The following AGMO variants were observed in gnomAD, a reference collection of about 807,000 sequenced individuals.
The protein encoded by AGMO is alkylglycerol monooxygenase.
Under a neutral mutation model 60.2 loss-of-function variants are expected in AGMO, and 75 were observed. The ratio of observed to expected loss-of-function variants is 1.25; its 90% CI spans 1.03 to 1.51. The LOEUF (loss-of-function observed/expected upper bound fraction) is 1.51, where lower values mean the gene tolerates loss of function less well. Ranked by LOEUF, AGMO falls within the 40% of genes most tolerant of loss-of-function variation. The pLI is 0.00. For missense variants in AGMO, 763 were observed against 525.5 expected, an observed-to-expected ratio of 1.45 and a Z score of -4.42; for synonymous variants, 261 against 177.1, an observed-to-expected ratio of 1.47 and a Z score of -3.76.
chr7:15,424,256 A>G (rs1215823959), intron 4 of AGMO, among the ~76,000 whole-genome samples: 1 of 152,112 alleles, frequency 6.6e-6, no homozygotes, highest in Non-Finnish European at 1.5e-5. Flanking sequence ...ACACAAGCTC[A>G]CTTCTTACTT....
chr7:15,539,426 A>T (rs1358716183), intron 3 of AGMO, among the ~76,000 whole-genome samples: 11 of 152,118 alleles, frequency 7.2e-5, no homozygotes, highest in Middle Eastern at 3.2e-3. Flanking sequence ...TTTGTTTAGG[A>T]TAATGTCCTC....
chr7:15,401,485 T>G (rs975140908), intron 5 of AGMO, among the ~76,000 whole-genome samples: 19 of 152,146 alleles, frequency 1.2e-4, no homozygotes, highest in African/African-American at 4.6e-4. Flanking sequence ...GAAATTTGCC[T>G]CCTCTTACCT....
chr7:15,168,688 C>A, the AGMO span, among the ~76,000 whole-genome samples: 1 of 152,142 alleles, frequency 6.6e-6, no homozygotes, highest in Non-Finnish European at 1.5e-5. Context: ...AAAAATAGTT[C>A]CTTAGACTCA....
At chr7:15,283,979 T>A (rs1030326756) in intron 12 of AGMO, among the ~76,000 whole-genome samples, 1 of 151,992 alleles carries the variant, frequency 6.6e-6, no homozygotes, top group Non-Finnish European at 1.5e-5. Flanking sequence ...TCCTAAATTA[T>A]TTTTGGGTTA....
At position 15,453,451 on chromosome 7, in the gene AGMO, G is replaced by A. The variant is rs116990880; in HGVS notation, c.410-22343C>T. 7.1e-3 allele frequency among the ~76,000 whole-genome samples: 1,077 copies of A among 152,264 alleles called. 9 individuals carry two copies. The highest frequency in any genetic ancestry group is 0.012 in the Non-Finnish European group (816 of 68,020). On this transcript the variant is annotated intron_variant, in intron 3 of 12. Coordinates refer to ENST00000342526, the MANE Select transcript of AGMO (RefSeq NM_001004320.2). Reference sequence around the variant, plus strand: ...TGGAGAAAGCAGACACAGTGTAACAGAACACCGTACAAGTCAGGCTGCAAA... The same window carrying A: ...TGGAGAAAGCAGACACAGTGTAACAAAACACCGTACAAGTCAGGCTGCAAA...
chr7:15,353,427 T>C (rs1170386505), intron 12 of AGMO, among the ~76,000 whole-genome samples: 1 of 152,208 alleles, frequency 6.6e-6, no homozygotes, highest in African/African-American at 2.4e-5. Context: ...AGGCTTATGA[T>C]GTTAAACTAA....
At chr7:15,251,549 A>C (rs141240677) in intron 12 of AGMO, among the ~76,000 whole-genome samples, 1 of 152,324 alleles carries the variant, frequency 6.6e-6, no homozygotes, top group African/African-American at 2.4e-5. Context: ...TTGTGAAGTT[A>C]ATGTTCTAAG....
At chr7:15,264,748 T>C (rs1425603410) in intron 12 of AGMO, among the ~76,000 whole-genome samples, 1 of 152,088 alleles carries the variant, frequency 6.6e-6, no homozygotes, top group Non-Finnish European at 1.5e-5. Flanking sequence ...CTCATACCAT[T>C]CAGAATGGTG....
At chr7:15,167,595 T>G in the AGMO span, among the ~76,000 whole-genome samples, 1 of 152,202 alleles carries the variant, frequency 6.6e-6, no homozygotes, top group African/African-American at 2.4e-5. Flanking sequence ...ATTCACTAGG[T>G]TCTTATATCA....
chr7:15,445,418 A>G (rs1255375717), intron 3 of AGMO, among the ~76,000 whole-genome samples: 1 of 152,168 alleles, frequency 6.6e-6, no homozygotes, highest in African/African-American at 2.4e-5. Context: ...CACATGATAT[A>G]TTGCTGTTCC....
chr7:15,246,458 C>G (rs1299184337), intron 12 of AGMO, among the ~76,000 whole-genome samples: 2 of 152,146 alleles, frequency 1.3e-5, no homozygotes, highest in Non-Finnish European at 2.9e-5. Flanking sequence ...AGTTCATAGA[C>G]AATGACTTGA....
chr7:15,295,482 G>C (rs946606695), intron 12 of AGMO, among the ~76,000 whole-genome samples: 1 of 152,008 alleles, frequency 6.6e-6, no homozygotes, highest in Non-Finnish European at 1.5e-5. Context: ...AAAGAATGCA[G>C]AGAAAGAAGA....
the AGMO span, among the ~76,000 whole-genome samples, chr7:15,182,540 C>T: frequency 4.6e-5 from 7 of 152,208 alleles, no homozygotes; most frequent in Non-Finnish European, 7.4e-5. Context: ...CTCTGCCTCC[C>T]GAGTAGCCGG....
At chr7:15,202,841 C>T (rs1465090494) in intron 12 of AGMO, among the ~76,000 whole-genome samples, 2 of 152,026 alleles carry the variant, frequency 1.3e-5, no homozygotes, top group African/African-American at 4.8e-5. Flanking sequence ...TAATACTGCG[C>T]TGGGGGGAGT....
chr7:15,493,619 C>T (rs1783136881), intron 3 of AGMO, among the ~76,000 whole-genome samples: 1 of 151,948 alleles, frequency 6.6e-6, no homozygotes. Context: ...TCGTGATCCG[C>T]CCGCCTCGGC....
intron 3 of AGMO, among the ~76,000 whole-genome samples, chr7:15,441,347 T>A (rs1289029991): frequency 1.3e-5 from 2 of 152,224 alleles, no homozygotes; most frequent in Non-Finnish European, 2.9e-5. Context: ...TTATGTTGCA[T>A]GAAAATCTTT....
the AGMO span, among the ~76,000 whole-genome samples, chr7:15,131,891 T>C: frequency 3.6e-4 from 54 of 151,848 alleles, no homozygotes; most frequent in African/African-American, 1.3e-3. Flanking sequence ...GTTGAGGAAA[T>C]GCAACCAGCC....
the AGMO span, among the ~76,000 whole-genome samples, chr7:15,188,260 G>C: frequency 1.3e-5 from 2 of 152,104 alleles, no homozygotes; most frequent in Non-Finnish European, 2.9e-5. Context: ...ATGATTTTGA[G>C]TAAACTGCTT....
intron 12 of AGMO, among the ~76,000 whole-genome samples, chr7:15,342,093 G>C (rs761393871): frequency 4.1e-5 from 6 of 144,586 alleles, no homozygotes; most frequent in Non-Finnish European, 7.5e-5. Context: ...CTGAATCATA[G>C]GATGCATTTA....
Sources: allele counts gnomAD v4.1 joint callset (sites outside exome capture counted in the v4.1 genomes callset), GRCh38; gene constraint gnomAD v4.1.1; transcripts MANE v1.5; gene names NCBI Gene and HGNC (gene_info 2026-07-23, HGNC 2026-07-21).